The following MSI2 variants were observed in gnomAD, a reference collection of about 807,000 sequenced individuals.
The protein encoded by MSI2 is RNA-binding protein Musashi homolog 2.
In MSI2, 17 loss-of-function variants were observed where a neutral mutation model predicts 45.6. That is an observed-to-expected ratio of 0.37 (90% CI 0.26 to 0.56). The LOEUF is 0.56. MSI2 is among the 20% of genes least tolerant of loss of function. The pLI is 0.77. For synonymous variants in MSI2, 156 were observed against 158.2 expected (o/e 0.99, Z 0.11); for missense variants, 293 against 444.2 (o/e 0.66, Z 3.06).
At chr17:57,650,045 T>C (rs1911015299) in intron 10 of MSI2, among the ~76,000 whole-genome samples, 1 of 152,116 alleles carries the variant, frequency 6.6e-6, no homozygotes, top group African/African-American at 2.4e-5. Flanking sequence ...ATGCTCCACC[T>C]CCAGCAGGAG....
At chr17:57,422,559 G>A (rs1027101742) in intron 6 of MSI2, among the ~76,000 whole-genome samples, 5 of 152,226 alleles carry the variant, frequency 3.3e-5, no homozygotes, top group Non-Finnish European at 5.9e-5. Flanking sequence ...GGACAGGAAA[G>A]TACATGCCCA....
intron 5 of MSI2, among the ~76,000 whole-genome samples, chr17:57,366,203 A>G (rs1917178524): frequency 6.6e-6 from 1 of 152,140 alleles, no homozygotes; most frequent in African/African-American, 2.4e-5. Flanking sequence ...ATGAGCCACC[A>G]TGCCCAGCGT....
At chr17:57,332,507 A>G (rs925696364) in intron 5 of MSI2, among the ~76,000 whole-genome samples, 1 of 152,158 alleles carries the variant, frequency 6.6e-6, no homozygotes, top group African/African-American at 2.4e-5. Flanking sequence ...CTTTCCATGG[A>G]CATGATTTTC....
intron 5 of MSI2, among the ~76,000 whole-genome samples, chr17:57,329,807 G>A (rs1914096877): frequency 6.6e-6 from 1 of 152,164 alleles, no homozygotes; most frequent in South Asian, 2.1e-4. Flanking sequence ...TTTGCAGAAC[G>A]GACACAGAGG....
chr17:57,533,299 G>A (rs575491652), intron 7 of MSI2, among the ~76,000 whole-genome samples: 1 of 152,330 alleles, frequency 6.6e-6, no homozygotes, highest in South Asian at 2.1e-4. Context: ...CTTCCACCCT[G>A]CAAGCAGGAA....
intron 5 of MSI2, among the ~76,000 whole-genome samples, chr17:57,349,293 G>A (rs1381253540): frequency 3.9e-5 from 6 of 152,124 alleles, no homozygotes; most frequent in Admixed American, 6.5e-5. Context: ...GTGTGTCTCC[G>A]TGTGTGTGTT....
intron 6 of MSI2, among the ~76,000 whole-genome samples, chr17:57,403,272 GTCTC>G (rs550014307): frequency 7.3e-5 from 11 of 151,556 alleles, no homozygotes; most frequent in African/African-American, 2.4e-5. Flanking sequence ...GTTTCTTTCT[GTCTC>G]TCTCTCTCTC....
intron 5 of MSI2, among the ~76,000 whole-genome samples, chr17:57,395,361 A>G (rs2083869798): frequency 6.6e-6 from 1 of 152,188 alleles, no homozygotes. Flanking sequence ...ATGTGATCCT[A>G]GAAACAGTTG....
At chr17:57,446,882 A>G (rs2084910226) in intron 6 of MSI2, among the ~76,000 whole-genome samples, 1 of 152,200 alleles carries the variant, frequency 6.6e-6, no homozygotes, top group African/African-American at 2.4e-5. Flanking sequence ...CCTTTTGGGA[A>G]GAAAAGCTGG....
At chr17:57,674,752 T>C (rs1913095379) in intron 11 of MSI2, among the ~76,000 whole-genome samples, 1 of 152,232 alleles carries the variant, frequency 6.6e-6, no homozygotes, top group African/African-American at 2.4e-5. Context: ...AGCTTCTTAG[T>C]AGTAGCCTGG....
At chr17:57,649,524 GAC>G (rs1403452292) in intron 10 of MSI2, among the ~76,000 whole-genome samples, 1 of 151,582 alleles carries the variant, frequency 6.6e-6, no homozygotes, top group Non-Finnish European at 1.5e-5. Context: ...ACATACACCT[GAC>G]ACACATACAC....
intron 5 of MSI2, among the ~76,000 whole-genome samples, chr17:57,382,182 C>G (rs1176191178): frequency 6.6e-6 from 1 of 152,150 alleles, no homozygotes; most frequent in Non-Finnish European, 1.5e-5. Context: ...CACTGAATGG[C>G]CCAGGTACTG....
At chr17:57,534,607 C>G (rs200485929) in intron 7 of MSI2, among the ~76,000 whole-genome samples, 5 of 151,956 alleles carry the variant, frequency 3.3e-5, no homozygotes, top group Non-Finnish European at 7.4e-5. Flanking sequence ...CCCAGCCACC[C>G]GGGAGGCTGA....
intron 6 of MSI2, among the ~76,000 whole-genome samples, chr17:57,492,756 C>A (rs529961494): frequency 6.6e-6 from 1 of 152,276 alleles, no homozygotes; most frequent in East Asian, 1.9e-4. Flanking sequence ...ACCACCACAC[C>A]CAGTTAATTT....
chr17:57,274,501 GGT>G (rs1195981310), intron 5 of MSI2: 2 of 152,198 alleles, frequency 1.3e-5, no homozygotes, highest in African/African-American at 4.8e-5. Flanking sequence ...GAAGTGTATG[GGT>G]GTGTGAGTTG....
At chr17:57,558,433 G>A (rs1293207897) in intron 7 of MSI2, among the ~76,000 whole-genome samples, 1 of 152,126 alleles carries the variant, frequency 6.6e-6, no homozygotes, top group East Asian at 1.9e-4. Context: ...GGGTCAGGAG[G>A]GTTTGCACCT....
At chr17:57,281,798 A>G (rs1185047167) in intron 5 of MSI2, among the ~76,000 whole-genome samples, 1 of 152,148 alleles carries the variant, frequency 6.6e-6, no homozygotes, top group East Asian at 1.9e-4. Flanking sequence ...AATCAGGTTG[A>G]CTGACAACTG....
At chr17:57,691,332 T>A in the MSI2 span, among the ~76,000 whole-genome samples, 1 of 152,156 alleles carries the variant, frequency 6.6e-6, no homozygotes, top group Non-Finnish European at 1.5e-5. Flanking sequence ...TTTTTCAATG[T>A]TGTTTTGGCT....
intron 13 of MSI2, 64 bp from the exon 14 acceptor site, chr17:57,679,485 C>G: frequency 1.0e-5 from 9 of 892,518 alleles, no homozygotes; most frequent in Non-Finnish European, 1.2e-5. Flanking sequence ...ACACTTCTTT[C>G]TCCTCCCCTC....
Sources: gnomAD v4.1 joint callset for allele counts (sites outside exome capture counted in the v4.1 genomes callset) on GRCh38, gnomAD v4.1.1 for gene constraint, MANE v1.5 for transcripts, NCBI Gene and HGNC (gene_info 2026-07-23, HGNC 2026-07-21) for gene names.